Variants in XRCC4 observed in about 807,000 individuals in gnomAD.
XRCC4 encodes X-ray repair cross complementing 4, also known as DNA repair protein XRCC4.
Under a neutral mutation model 39.1 loss-of-function variants are expected in XRCC4, and 28 were observed. The ratio of observed to expected loss-of-function variants is 0.72; its 90% CI spans 0.53 to 0.98. The LOEUF (loss-of-function observed/expected upper bound fraction) is 0.98. Ranked by LOEUF, XRCC4 falls within the 50% of genes least tolerant of loss-of-function variation. The probability of loss-of-function intolerance (pLI) is 0.00; values close to 1 mark genes in which losing one functional copy is unlikely to be tolerated. For missense variants in XRCC4, 350 were observed against 376.4 expected, an observed-to-expected ratio of 0.93 and a Z score of 0.58; for synonymous variants, 123 against 126.4, an observed-to-expected ratio of 0.97 and a Z score of 0.18.
intron 3 of XRCC4, among the ~76,000 whole-genome samples, chr5:83,184,533 A>T (rs1750350483): frequency 6.6e-6 from 1 of 152,132 alleles, no homozygotes; most frequent in Non-Finnish European, 1.5e-5. Context: ...GGAGAATGTT[A>T]TGAGAGACCT....
At chr5:83,222,605 A>G (rs1313809564) in intron 6 of XRCC4, among the ~76,000 whole-genome samples, 1 of 152,080 alleles carries the variant, frequency 6.6e-6, no homozygotes, top group African/African-American at 2.4e-5. Context: ...ATTCAGGAAC[A>G]TGTTGTTTAA....
At chr5:83,130,320 A>G (rs928202879) in intron 3 of XRCC4, among the ~76,000 whole-genome samples, 1 of 152,194 alleles carries the variant, frequency 6.6e-6, no homozygotes, top group Admixed American at 6.5e-5. Flanking sequence ...GATGAAGTCA[A>G]CTTGATTGTG....
intron 3 of XRCC4, among the ~76,000 whole-genome samples, chr5:83,152,986 A>G (rs1345711454): frequency 6.6e-6 from 1 of 152,162 alleles, no homozygotes; most frequent in Non-Finnish European, 1.5e-5. Flanking sequence ...TCTATCACCA[A>G]AGTCACAAAT....
At chr5:83,149,104 T>C (rs1748591971) in intron 3 of XRCC4, among the ~76,000 whole-genome samples, 1 of 152,196 alleles carries the variant, frequency 6.6e-6, no homozygotes, top group African/African-American at 2.4e-5. Context: ...ATAATTGACA[T>C]GGTAATATGA....
chr5:83,172,808 G>A (rs1376344035), intron 3 of XRCC4, among the ~76,000 whole-genome samples: 1 of 152,110 alleles, frequency 6.6e-6, no homozygotes. Context: ...GGAAAAATTT[G>A]CATCATTGCT....
chr5:83,254,432 A>T (rs1418055356), intron 6 of XRCC4, among the ~76,000 whole-genome samples: 1 of 152,068 alleles, frequency 6.6e-6, no homozygotes, highest in Non-Finnish European at 1.5e-5. Context: ...TTCCGACTCT[A>T]TTCAAGTTCT....
chr5:83,337,711 A>G (rs1184577889), intron 7 of XRCC4, among the ~76,000 whole-genome samples: 1 of 152,186 alleles, frequency 6.6e-6, no homozygotes, highest in Non-Finnish European at 1.5e-5. Context: ...CAGAAAATAC[A>G]AGCATAACAA....
intron 7 of XRCC4, among the ~76,000 whole-genome samples, chr5:83,324,210 G>A (rs1451205648): frequency 6.6e-6 from 1 of 152,036 alleles, no homozygotes; most frequent in Non-Finnish European, 1.5e-5. Flanking sequence ...TTAATAAGGT[G>A]AATATGTTAA....
At position 83,159,604 on chromosome 5, in the gene XRCC4, C is replaced by CCTGT. The variant is rs141416765; in HGVS notation, c.316-36163_316-36160dup. 7.2e-5 allele frequency among the ~76,000 whole-genome samples: 11 copies of CCTGT among 152,238 alleles called. No individual in the cohort carries two copies. In the East Asian group the frequency reaches 2.1e-3, roughly 29 times the overall value. On this transcript the variant is annotated intron_variant, in intron 3 of 7. Transcript: ENST00000396027. Reference sequence around the variant, plus strand: ...CCTCACATGACCTTGTTTCACATGACCTGTCTTCTTATACGGAAAATATCG... The same window carrying CCTGT: ...CCTCACATGACCTTGTTTCACATGACCTGTCTGTCTTCTTATACGGAAAATATCG...
intron 7 of XRCC4, among the ~76,000 whole-genome samples, chr5:83,282,158 G>A (rs1482266837): frequency 6.6e-6 from 1 of 152,198 alleles, no homozygotes; most frequent in Non-Finnish European, 1.5e-5. Flanking sequence ...GAAAATGGAT[G>A]ACTCCTATGG....
intron 3 of XRCC4, among the ~76,000 whole-genome samples, chr5:83,149,381 G>A (rs1345592380): frequency 1.3e-5 from 2 of 151,638 alleles, no homozygotes; most frequent in Non-Finnish European, 2.9e-5. Flanking sequence ...TTGAGATACA[G>A]GATATATATG....
chr5:83,081,005 A>C (rs1282745983), intron 1 of XRCC4, among the ~76,000 whole-genome samples: 3 of 152,218 alleles, frequency 2.0e-5, no homozygotes, highest in African/African-American at 7.2e-5. Context: ...GCCATAGTGC[A>C]TTATAAAAGC....
intron 3 of XRCC4, among the ~76,000 whole-genome samples, chr5:83,194,895 TATG>T (rs1342614729): frequency 6.6e-6 from 1 of 152,214 alleles, no homozygotes; most frequent in Admixed American, 6.5e-5. Context: ...ATAATGTGGA[TATG>T]ATAATAGTTC....
At chr5:83,181,891 T>A (rs976885515) in intron 3 of XRCC4, among the ~76,000 whole-genome samples, 6 of 152,144 alleles carry the variant, frequency 3.9e-5, no homozygotes, top group Non-Finnish European at 7.4e-5. Context: ...CGCCAGGGTA[T>A]GGACTGCTGA....
At chr5:83,118,852 ATGTT>A (rs1454168755) in intron 3 of XRCC4, among the ~76,000 whole-genome samples, 1 of 152,226 alleles carries the variant, frequency 6.6e-6, no homozygotes, top group Admixed American at 6.5e-5. Flanking sequence ...TGTTGCAAGG[ATGTT>A]TGTTTAGCAT....
At chr5:83,262,736 A>G (rs976021625) in intron 7 of XRCC4, among the ~76,000 whole-genome samples, 1 of 151,974 alleles carries the variant, frequency 6.6e-6, no homozygotes, top group African/African-American at 2.4e-5. Flanking sequence ...CAATAAAAAT[A>G]CTAAATAGTA....
At chr5:83,175,364 C>T (rs1749904679) in intron 3 of XRCC4, among the ~76,000 whole-genome samples, 1 of 152,058 alleles carries the variant, frequency 6.6e-6, no homozygotes, top group African/African-American at 2.4e-5. Context: ...AAGACCTTTA[C>T]ATCCCATAAT....
chr5:83,293,306 A>G (rs748429888), intron 7 of XRCC4, among the ~76,000 whole-genome samples: 4 of 151,906 alleles, frequency 2.6e-5, no homozygotes, highest in Non-Finnish European at 4.4e-5. Flanking sequence ...AACTCCTAGT[A>G]TAATACTACA....
At chr5:83,112,554 A>G (rs1048307652) in intron 3 of XRCC4, among the ~76,000 whole-genome samples, 4 of 152,224 alleles carry the variant, frequency 2.6e-5, no homozygotes, top group Admixed American at 1.3e-4. Context: ...GGGGCTTGGT[A>G]CAGTTGGCAT....
Sources: gnomAD v4.1 joint callset for allele counts (sites outside exome capture counted in the v4.1 genomes callset) on GRCh38, gnomAD v4.1.1 for gene constraint, MANE v1.5 for transcripts, NCBI Gene and HGNC (gene_info 2026-07-23, HGNC 2026-07-21) for gene names.